TMEM132D: variants seen among roughly 807,000 people sequenced by gnomAD.
The protein encoded by TMEM132D is transmembrane protein 132D, also known as mature OL transmembrane protein.
Under a neutral mutation model 62.3 loss-of-function variants are expected in TMEM132D, and 21 were observed. The observed-to-expected ratio is 0.34, with a 90% CI of 0.24 to 0.49. The LOEUF (loss-of-function observed/expected upper bound fraction) is 0.49, where lower values mean the gene tolerates loss of function less well. Ranked by LOEUF, TMEM132D falls within the 20% of genes least tolerant of loss-of-function variation. TMEM132D has a pLI of 0.99. For synonymous variants in TMEM132D, 621 were observed against 575.6 expected, an observed-to-expected ratio of 1.08 and a Z score of -1.13; for missense variants, 1,346 against 1,402.8, an observed-to-expected ratio of 0.96 and a Z score of 0.65.
At chr12:129,522,254 C>T (rs1036749462) in intron 3 of TMEM132D, among the ~76,000 whole-genome samples, 11 of 152,086 alleles carry the variant, frequency 7.2e-5, no homozygotes, top group Non-Finnish European at 1.3e-4. Context: ...TATATTAATA[C>T]TTAAAAAATA....
At chr12:129,215,337 G>A (rs1466562419) in intron 4 of TMEM132D, among the ~76,000 whole-genome samples, 1 of 152,178 alleles carries the variant, frequency 6.6e-6, no homozygotes, top group African/African-American at 2.4e-5. Flanking sequence ...TGAGGGTGGA[G>A]GTTGGGAGGA....
intron 1 of TMEM132D, among the ~76,000 whole-genome samples, chr12:129,863,528 C>G (rs1354640489): frequency 1.3e-5 from 2 of 152,104 alleles, no homozygotes; most frequent in Non-Finnish European, 2.9e-5. Flanking sequence ...TTTAAAATAT[C>G]AACTTTGCTA....
At chr12:129,707,271 A>C (rs1881529277) in intron 1 of TMEM132D, among the ~76,000 whole-genome samples, 1 of 149,202 alleles carries the variant, frequency 6.7e-6, no homozygotes, top group Non-Finnish European at 1.5e-5. Flanking sequence ...ATATGTTTAT[A>C]TATGTGATAG....
intron 5 of TMEM132D, among the ~76,000 whole-genome samples, chr12:129,088,626 G>A (rs868701438): frequency 1.7e-5 from 1 of 59,138 alleles, no homozygotes; most frequent in East Asian, 9.3e-4. Context: ...CATGACCGGG[G>A]TGTCCTCCAT....
intron 5 of TMEM132D, among the ~76,000 whole-genome samples, chr12:129,125,487 C>T (rs972746181): frequency 3.4e-5 from 5 of 145,370 alleles, no homozygotes; most frequent in African/African-American, 1.3e-4. Context: ...GTGACGATGT[C>T]GAATTACTAT....
intron 2 of TMEM132D, among the ~76,000 whole-genome samples, chr12:129,658,860 C>A (rs1277945721): frequency 2.0e-5 from 3 of 152,058 alleles, no homozygotes; most frequent in Admixed American, 6.6e-5. Flanking sequence ...AGAGAGAGGC[C>A]AAAGAGCACC....
At chr12:129,615,790 CAAAACAAAATAAAATAAAAT>C (rs1236758918) in intron 2 of TMEM132D, among the ~76,000 whole-genome samples, 3 of 138,300 alleles carry the variant, frequency 2.2e-5, no homozygotes, top group Non-Finnish European at 4.7e-5. Flanking sequence ...CAAAACAAAA[CAAAACAAAATAAAATAAAAT>C]AAAATAAAAT....
chr12:129,611,818 G>A (rs1878782010), intron 2 of TMEM132D, among the ~76,000 whole-genome samples: 1 of 152,188 alleles, frequency 6.6e-6, no homozygotes, highest in East Asian at 1.9e-4. Context: ...AGATGTAGGG[G>A]AGCACAGGGC....
At chr12:129,555,325 T>C (rs1018545490) in intron 2 of TMEM132D, among the ~76,000 whole-genome samples, 3 of 152,184 alleles carry the variant, frequency 2.0e-5, no homozygotes, top group African/African-American at 7.2e-5. Flanking sequence ...GTAAGTCTGT[T>C]TCAGGCAGTA....
chr12:129,092,083 T>G (rs1442498446), intron 5 of TMEM132D, among the ~76,000 whole-genome samples: 1 of 152,232 alleles, frequency 6.6e-6, no homozygotes, highest in South Asian at 2.1e-4. Context: ...GATGATCTAT[T>G]AAAACTCTTG....
intron 2 of TMEM132D, among the ~76,000 whole-genome samples, chr12:129,582,399 G>T (rs1343503918): frequency 6.6e-6 from 1 of 152,182 alleles, no homozygotes; most frequent in East Asian, 1.9e-4. Context: ...CAGACCCAGG[G>T]TTACAAGTAA....
intron 2 of TMEM132D, among the ~76,000 whole-genome samples, chr12:129,678,795 C>A (rs1003608502): frequency 6.6e-6 from 1 of 152,002 alleles, no homozygotes; most frequent in African/African-American, 2.4e-5. Context: ...GACATCAATG[C>A]CTATAAATGG....
chr12:129,513,565 AG>A (rs1875560064), intron 3 of TMEM132D, among the ~76,000 whole-genome samples: 1 of 151,704 alleles, frequency 6.6e-6, no homozygotes, highest in Non-Finnish European at 1.5e-5. Context: ...GCTCACTGCA[AG>A]CTTCGCCTCC....
chr12:129,789,375 G>T (rs1871335966), intron 1 of TMEM132D, among the ~76,000 whole-genome samples: 1 of 152,014 alleles, frequency 6.6e-6, no homozygotes, highest in Admixed American at 6.6e-5. Flanking sequence ...CCCCACCCAG[G>T]TTGCTACCCA....
intron 1 of TMEM132D, among the ~76,000 whole-genome samples, chr12:129,812,785 G>A (rs1872225057): frequency 6.6e-6 from 1 of 151,602 alleles, no homozygotes; most frequent in Non-Finnish European, 1.5e-5. Context: ...ATCCAACCAA[G>A]ATGTGGCCCC....
intron 3 of TMEM132D, among the ~76,000 whole-genome samples, chr12:129,476,401 T>C (rs1307215635): frequency 4.6e-5 from 7 of 152,192 alleles, no homozygotes; most frequent in African/African-American, 1.4e-4. Flanking sequence ...TAAATATCAT[T>C]GCGGACCCAC....
intron 5 of TMEM132D, among the ~76,000 whole-genome samples, chr12:129,120,977 C>T (rs112942250): frequency 2.0e-5 from 3 of 152,078 alleles, no homozygotes; most frequent in Non-Finnish European, 1.5e-5. Flanking sequence ...CAAAGATGCT[C>T]ACATCCTCAT....
intron 4 of TMEM132D, among the ~76,000 whole-genome samples, chr12:129,257,246 G>A (rs573297331): frequency 2.2e-5 from 3 of 136,676 alleles, no homozygotes; most frequent in South Asian, 2.3e-4. Context: ...TCACTCTGTC[G>A]CCCAGGCAGG....
chr12:129,728,939 A>C (rs1196674252), intron 1 of TMEM132D, among the ~76,000 whole-genome samples: 3 of 152,196 alleles, frequency 2.0e-5, no homozygotes, highest in Non-Finnish European at 4.4e-5. Flanking sequence ...TCTGGCTCCA[A>C]AGCTTGTTTT....
Sources: gnomAD v4.1 joint callset for allele counts (sites outside exome capture counted in the v4.1 genomes callset) on GRCh38, gnomAD v4.1.1 for gene constraint, MANE v1.5 for transcripts, NCBI Gene and HGNC (gene_info 2026-07-23, HGNC 2026-07-21) for gene names.